Variants in CEP95 observed in about 807,000 individuals in gnomAD.
CEP95 encodes the protein centrosomal protein of 95 kDa.
In CEP95, 98 loss-of-function variants were observed where a neutral mutation model predicts 111.2. The ratio of observed to expected loss-of-function variants is 0.88; its 90% CI spans 0.75 to 1.04. The LOEUF (loss-of-function observed/expected upper bound fraction) is 1.04. Ranked by LOEUF, CEP95 falls within the 50% of genes least tolerant of loss-of-function variation. CEP95 has a pLI of 0.00. For missense variants in CEP95, 1,027 were observed against 977.2 expected, an observed-to-expected ratio of 1.05 and a Z score of -0.68; for synonymous variants, 323 against 327.1, an observed-to-expected ratio of 0.99 and a Z score of 0.14.
In CEP95 at chr17:64,522,897, T is replaced by C; in HGVS notation, c.909+2T>C. ...GGAGAGCATACGGAATTTTCTGGGG[T>C]AAGTGGAAAAGCTTACTTTCAGTTG... is the stretch of plus-strand genomic sequence containing the variant. On this transcript the variant is annotated splice_donor_variant, in intron 8 of 19. Coordinates refer to ENST00000556440, the MANE Select transcript of CEP95 (RefSeq NM_138363.3). LOFTEE classifies it high-confidence loss of function. 6.2e-7 allele frequency: 1 copy of C among 1,601,894 alleles called. No homozygotes were observed. The highest frequency in any genetic ancestry group is 8.5e-7 in the Non-Finnish European group (1 of 1,173,726).
At chr17:64,527,870 GTATATATATATATATA>G (rs376144614) in intron 11 of CEP95, among the ~76,000 whole-genome samples, 1 of 112,640 alleles carries the variant, frequency 8.9e-6, no homozygotes, top group Non-Finnish European at 1.9e-5. Flanking sequence ...GTGTGTGTGT[GTATATATATATATATA>G]TATATACACA....
intron 19 of CEP95, 177 bp from the exon 20 acceptor site, chr17:64,537,426 A>T (rs1968733926): frequency 7.2e-7 from 1 of 1,382,946 alleles, no homozygotes; most frequent in Middle Eastern, 2.7e-4. Flanking sequence ...TCCATCTATG[A>T]CCCAAGACAT....
At position 64,530,122 on chromosome 17, in the gene CEP95, A is replaced by T. The variant is rs145177920; in HGVS notation, c.1446+695A>T. ...AAAGTAATGTAGAGATTTGTGAGGC[A>T]GGTGCAGTGGCCCTGCACTTTGGGA... On this transcript the variant is annotated intron_variant, in intron 12 of 19. Transcript: ENST00000556440. Among the ~76,000 whole-genome samples, 6 of 152,318 alleles carry T rather than the reference A, an allele frequency of 3.9e-5. No homozygotes were observed. The East Asian group carries it at 1.2e-3, about 29-fold the overall frequency.
At chr17:64,530,671 G>T (rs181283695) in intron 12 of CEP95, among the ~76,000 whole-genome samples, 1 of 152,078 alleles carries the variant, frequency 6.6e-6, no homozygotes, top group Admixed American at 6.5e-5. Context: ...ACCACGCCCA[G>T]CTAATTTTGT....
intron 13 of CEP95, among the ~76,000 whole-genome samples, chr17:64,531,391 A>C (rs1479997801): frequency 6.6e-6 from 1 of 152,234 alleles, no homozygotes; most frequent in Admixed American, 6.5e-5. Context: ...AAGAAACCCA[A>C]AACAGAAGTT....
intron 11 of CEP95, among the ~76,000 whole-genome samples, chr17:64,528,399 C>T (rs1555679593): frequency 6.6e-6 from 1 of 152,138 alleles, no homozygotes; most frequent in Non-Finnish European, 1.5e-5. Flanking sequence ...GCACCCTCAT[C>T]CAGGAACCTC....
intron 11 of CEP95, among the ~76,000 whole-genome samples, chr17:64,527,819 G>A (rs945743566): frequency 5.3e-5 from 8 of 150,074 alleles, no homozygotes; most frequent in African/African-American, 1.7e-4. Context: ...CCCTACTGCT[G>A]GACATGACTG....
chr17:64,509,708 T>C (rs1434608719), intron 2 of CEP95, among the ~76,000 whole-genome samples: 1 of 151,898 alleles, frequency 6.6e-6, no homozygotes, highest in Non-Finnish European at 1.5e-5. Flanking sequence ...TAAACATACA[T>C]ATGTGTATAT....
rs899448437 is a variant in CEP95 at position 64,507,287 on chromosome 17, C to G, written c.19+171C>G. 17 of 1,468,526 alleles carry G rather than the reference C, an allele frequency of 1.2e-5. No homozygotes were observed. In the Admixed American group the frequency reaches 3.3e-4, roughly 28 times the overall value. The allele number at this position is 1,468,526 out of a possible 1,614,324, so 91.0% of individuals were successfully genotyped here. ...GGGTCTCTCAGCTTCACCACCTCTT[C>G]GCTTCGAGGCCGTGGAACAGCAGTA... On this transcript the variant is annotated intron_variant, in intron 1 of 19. Transcript: ENST00000556440.
In CEP95 at chr17:64,514,301, T is replaced by G; in HGVS notation, c.310T>G (p.Phe104Val). ...KESIKNLLEIFDGLLEYLTER... is the reference protein window; with the variant it reads ...KESIKNLLEIVDGLLEYLTER... Reference sequence around the variant, plus strand: ...ATCTATTAAGAATCTCCTGGAAATATTTGATGGTTTGTTGGAGTATCTTAC... The same window carrying G: ...ATCTATTAAGAATCTCCTGGAAATAGTTGATGGTTTGTTGGAGTATCTTAC... Residue 104 changes from phenylalanine (F) to valine (V), a missense_variant, in exon 4 of 20, where the codon TTT becomes GTT. Coordinates refer to ENST00000556440, the MANE Select transcript of CEP95 (RefSeq NM_138363.3). 2 of 1,516,852 alleles carry G rather than the reference T, an allele frequency of 1.3e-6. No individual in the cohort carries two copies. Among genetic ancestry groups the G allele is most frequent in the Non-Finnish European group, 1.8e-6 (2 of 1,116,016 alleles). The allele number at this position is 1,516,852 out of a possible 1,614,324, so 94.0% of individuals were successfully genotyped here.
At chr17:64,533,260 C>G in intron 16 of CEP95, 69 bp downstream of exon 16, 1 of 1,335,728 alleles carries the variant, frequency 7.5e-7, no homozygotes, top group Non-Finnish European at 1.0e-6. Context: ...TCTGTGCTAG[C>G]TGGGCAACAG....
intron 2 of CEP95, among the ~76,000 whole-genome samples, chr17:64,509,367 T>C (rs531211059): frequency 6.6e-6 from 1 of 152,314 alleles, no homozygotes; most frequent in South Asian, 2.1e-4. Flanking sequence ...CCAATAATTC[T>C]AGTTGGCTAT....
Position 64,530,918 on chromosome 17 carries a change from CCCTTTAG to C in CEP95, c.1447-7_1447-1del, listed in dbSNP as rs1555680122. ...AATAACTGTAATATATGACCTTTTC[CCCTTTAG>C]GCGTTTACTGAAGCATTTGAAAGGG... On this transcript the variant is annotated splice_acceptor_variant and splice_polypyrimidine_tract_variant and intron_variant, in intron 12 of 19. Transcript: ENST00000556440. LOFTEE classifies it high-confidence loss of function. 1 of 1,512,786 alleles carries C rather than the reference CCCTTTAG, an allele frequency of 6.6e-7. No individual in the cohort carries two copies. The highest frequency in any genetic ancestry group is 2.4e-5 in the East Asian group (1 of 41,118). The allele number at this position is 1,512,786 out of a possible 1,614,324, so 93.7% of individuals were successfully genotyped here. A position where few individuals can be genotyped will look rare whatever the true frequency, so the allele number is the denominator to read the frequency against.
chr17:64,508,124 G>A (rs977049566), intron 1 of CEP95: 93 of 985,316 alleles, frequency 9.4e-5, no homozygotes, highest in Non-Finnish European at 1.0e-4. Flanking sequence ...CGGCACCAGA[G>A]AAACCCTGAC....
In CEP95 at chr17:64,537,774, C is replaced by T. The variant is rs782283092; in HGVS notation, c.2461C>T (p.Leu821=). ...CTTTCAGTACAGTAAAAGTCCCTCC[C>T]TATGAGGCCAGACTTGATAATAGTA... is the stretch of plus-strand genomic sequence containing the variant. ...ASFQYSKSPS[L] The change falls in exon 20 of 20, where the codon CTA becomes TTA. Residue 821 remains leucine (L), a synonymous_variant. Coordinates refer to ENST00000556440, the MANE Select transcript of CEP95 (RefSeq NM_138363.3). 3 of 1,587,206 alleles carry T rather than the reference C, an allele frequency of 1.9e-6. No homozygotes were observed. The highest frequency in any genetic ancestry group is 2.6e-6 in the Non-Finnish European group (3 of 1,165,646).
intron 8 of CEP95, 76 bp downstream of exon 8, chr17:64,522,971 T>G (rs1555678353): frequency 3.5e-6 from 4 of 1,152,732 alleles, no homozygotes; most frequent in Non-Finnish European, 5.0e-6. Context: ...GGTAATTGAT[T>G]AGAAGGCCGT....
At position 64,537,859 on chromosome 17, in the gene CEP95, A is replaced by G. The variant is rs1324472677; in HGVS notation, c.*80A>G. The G allele has an allele frequency of 8.4e-6, 6 of 717,824 alleles. No individual in the cohort carries two copies. The highest frequency in any genetic ancestry group is 1.0e-5 in the Non-Finnish European group (5 of 498,200). 44.5% of individuals were successfully genotyped at this position (717,824 alleles called of 1,614,324 possible). On this transcript the variant is annotated 3_prime_UTR_variant, in exon 20 of 20. Transcript: ENST00000556440. The stretch of plus-strand genomic sequence containing the variant: ...CTAGAATCGAGCCAGTAAACAGTCT[A>G]AGCCAGAAAAATAATTTTCAAATGC...
chr17:64,518,283 A>C (rs1255234968), intron 5 of CEP95, among the ~76,000 whole-genome samples: 1 of 152,242 alleles, frequency 6.6e-6, no homozygotes, highest in Non-Finnish European at 1.5e-5. Flanking sequence ...GAGTTTTTTT[A>C]AATATTATCA....
chr17:64,516,914 G>T lies in CEP95; in HGVS notation c.473+86G>T, dbSNP rs1392669257. ...AAATCACACGTAATATACCAAGATG[G>T]CACCAAAAAAAGCTAATGTGAAACT... On this transcript the variant is annotated intron_variant, in intron 5 of 19. Transcript: ENST00000556440. The T allele has an allele frequency of 2.0e-5, 14 of 714,404 alleles. No individual in the cohort carries two copies. The African/African-American group carries it at 2.3e-4, about 12-fold the overall frequency. The allele number at this position is 714,404 out of a possible 1,614,324, so 44.3% of individuals were successfully genotyped here. A position where few individuals can be genotyped will look rare whatever the true frequency, so the allele number is the denominator to read the frequency against.
Sources: gnomAD v4.1 joint callset for allele counts (sites outside exome capture counted in the v4.1 genomes callset) on GRCh38, gnomAD v4.1.1 for gene constraint, MANE v1.5 for transcripts, NCBI Gene and HGNC (gene_info 2026-07-23, HGNC 2026-07-21) for gene names.